The following TLCD4 variants were observed in gnomAD, a reference collection of about 807,000 sequenced individuals.
TLCD4 encodes the protein TLC domain containing 4.
In TLCD4, 7 loss-of-function variants were observed where a neutral mutation model predicts 24.2. The ratio of observed to expected loss-of-function variants is 0.29; its 90% confidence interval spans 0.16 to 0.54. The LOEUF is 0.54. TLCD4 is among the 20% of genes least tolerant of loss of function. The pLI is 0.95. For missense variants in TLCD4, 259 were observed against 313.9 expected (o/e 0.82, Z 1.32); for synonymous variants, 103 against 106.4 (o/e 0.97, Z 0.20).
chr1:95,135,482 C>T (rs1050796443), intron 1 of TLCD4, among the ~76,000 whole-genome samples: 9 of 151,350 alleles, frequency 5.9e-5, no homozygotes, highest in Admixed American at 2.0e-4. Flanking sequence ...TTGCAACCTC[C>T]GTCTTTCAGG....
At position 95,191,595 on chromosome 1, in the gene TLCD4, C is replaced by T. The variant is rs144227475; in HGVS notation, c.519C>T (p.Ile173=). The T allele has an allele frequency of 1.9e-4, 302 of 1,613,792 alleles. 1 individual carries two copies. In the East Asian group the frequency reaches 6.2e-3, roughly 33 times the overall value. The change falls in exon 7 of 7, where the codon ATC becomes ATT. Residue 173 remains isoleucine (I), a synonymous_variant. Coordinates refer to ENST00000370203, the MANE Select transcript of TLCD4 (RefSeq NM_152487.3). ...AGTATCCCAAGTTTTCTAAAGCTAT[C>T]GTTATCAATGGAATACTCATGACAG... ...ALKYPKFSKA[I]VINGILMTVV...
At chr1:95,181,993 G>GT (rs1678663228) in intron 6 of TLCD4, among the ~76,000 whole-genome samples, 1 of 152,120 alleles carries the variant, frequency 6.6e-6, no homozygotes, top group Admixed American at 6.5e-5. Flanking sequence ...GGCTCACTGA[G>GT]TTATGTAGGT....
intron 6 of TLCD4, among the ~76,000 whole-genome samples, chr1:95,180,186 T>G (rs889259696): frequency 8.3e-4 from 127 of 152,332 alleles, no homozygotes; most frequent in Non-Finnish European, 2.6e-4. Context: ...TTGAATATGA[T>G]TCTGATTATG....
At chr1:95,136,002 A>G (rs1432339054) in intron 1 of TLCD4, among the ~76,000 whole-genome samples, 2 of 150,256 alleles carry the variant, frequency 1.3e-5, no homozygotes, top group African/African-American at 2.4e-5. Context: ...GATTACAGGC[A>G]TGACCCACTG....
chr1:95,195,311 T>G lies in TLCD4; in HGVS notation c.*3443T>G, dbSNP rs181301723. The G allele has an allele frequency of 3.3e-5, 5 of 152,244 alleles. No individual in the cohort carries two copies. The highest frequency in any genetic ancestry group is 3.9e-4 in the East Asian group (2 of 5,178). The allele number at this position is 152,244 out of a possible 1,614,324, so 9.4% of individuals were successfully genotyped here. On this transcript the variant is annotated 3_prime_UTR_variant, in exon 7 of 7. Coordinates refer to ENST00000370203, the MANE Select transcript of TLCD4 (RefSeq NM_152487.3). Reference sequence around the variant, plus strand: ...TTCTGGAGAAACAGAGGGGAAGGTGTTGTTACAGTGTACATGTTTCCTCTG... The same window carrying G: ...TTCTGGAGAAACAGAGGGGAAGGTGGTGTTACAGTGTACATGTTTCCTCTG...
chr1:95,158,841 T>C (rs1197779346), intron 5 of TLCD4, among the ~76,000 whole-genome samples: 2 of 152,172 alleles, frequency 1.3e-5, no homozygotes, highest in Non-Finnish European at 2.9e-5. Flanking sequence ...CATGAACTCA[T>C]TCTTTTTTAT....
At chr1:95,160,938 A>T (rs149574002) in intron 5 of TLCD4, among the ~76,000 whole-genome samples, 31,917 of 152,144 alleles carry the variant, frequency 0.21, 3,441 homozygotes, top group Admixed American at 0.25. Context: ...ATCAATGTTC[A>T]TGAAGGATAT....
chr1:95,190,343 T>A (rs1008809108), intron 6 of TLCD4, among the ~76,000 whole-genome samples: 11 of 146,496 alleles, frequency 7.5e-5, no homozygotes, highest in African/African-American at 3.0e-4. Flanking sequence ...TTTTCTTTTC[T>A]TTTTTGAGAT....
chr1:95,117,143 C>G (rs1283796340), upstream of TLCD4, among the ~76,000 whole-genome samples: 1 of 152,222 alleles, frequency 6.6e-6, no homozygotes, highest in East Asian at 1.9e-4. Flanking sequence ...TTTGGAAAAC[C>G]CGGGAATTGC....
intron 1 of TLCD4, among the ~76,000 whole-genome samples, chr1:95,134,457 C>A (rs1029580947): frequency 1.3e-5 from 2 of 152,118 alleles, no homozygotes; most frequent in Admixed American, 6.6e-5. Context: ...GTGTGAGAGG[C>A]TGGGCAGCTG....
At chr1:95,158,954 GC>G (rs1677707930) in intron 5 of TLCD4, among the ~76,000 whole-genome samples, 1 of 152,124 alleles carries the variant, frequency 6.6e-6, no homozygotes, top group Non-Finnish European at 1.5e-5. Flanking sequence ...TGTGAATAGT[GC>G]CACAGTAAAC....
At chr1:95,102,302 G>A in the TLCD4 span, among the ~76,000 whole-genome samples, 1 of 152,082 alleles carries the variant, frequency 6.6e-6, no homozygotes, top group Non-Finnish European at 1.5e-5. Context: ...GGAAAAGGGT[G>A]GTATACAGGT....
At chr1:95,118,820 G>A (rs1434891993) in intron 1 of TLCD4, among the ~76,000 whole-genome samples, 2 of 152,156 alleles carry the variant, frequency 1.3e-5, no homozygotes, top group Non-Finnish European at 2.9e-5. Context: ...AATTAGAAAA[G>A]TGTATTCCCG....
At chr1:95,186,781 CTAAA>C (rs1306860197) in intron 6 of TLCD4, among the ~76,000 whole-genome samples, 1 of 152,182 alleles carries the variant, frequency 6.6e-6, no homozygotes, top group East Asian at 1.9e-4. Context: ...CCATTGCTAT[CTAAA>C]TAGTCTTTCT....
intron 1 of TLCD4, among the ~76,000 whole-genome samples, chr1:95,128,266 T>C (rs1676798173): frequency 6.6e-6 from 1 of 152,148 alleles, no homozygotes; most frequent in Non-Finnish European, 1.5e-5. Flanking sequence ...GGAGAAGGCC[T>C]TTTTCTTTTT....
chr1:95,156,648 G>A (rs1361645718), intron 5 of TLCD4, among the ~76,000 whole-genome samples: 2 of 152,156 alleles, frequency 1.3e-5, no homozygotes, highest in Non-Finnish European at 2.9e-5. Context: ...AATTTTGATG[G>A]TTATAGTGGT....
At chr1:95,115,070 G>GAT (rs912349192), upstream of TLCD4, among the ~76,000 whole-genome samples, 46 of 111,310 alleles carry the variant, frequency 4.1e-4, 1 homozygote, top group South Asian at 4.2e-3. Context: ...TAATGAACTG[G>GAT]ATATATATAT....
upstream of TLCD4, among the ~76,000 whole-genome samples, chr1:95,115,652 A>G (rs1676415766): frequency 6.6e-6 from 1 of 152,210 alleles, no homozygotes; most frequent in African/African-American, 2.4e-5. Flanking sequence ...GAGGCCTAAT[A>G]TGAAGGAATA....
intron 1 of TLCD4, among the ~76,000 whole-genome samples, chr1:95,132,224 G>A (rs551969332): frequency 6.6e-6 from 1 of 152,262 alleles, no homozygotes; most frequent in East Asian, 1.9e-4. Flanking sequence ...GAAGGCCAAG[G>A]TGGGTGGATC....
Sources: gnomAD v4.1 joint callset for allele counts (sites outside exome capture counted in the v4.1 genomes callset) on GRCh38, gnomAD v4.1.1 for gene constraint, MANE v1.5 for transcripts, NCBI Gene and HGNC (gene_info 2026-07-23, HGNC 2026-07-21) for gene names.